The following DMBT1 variants were observed in gnomAD, a reference collection of about 807,000 sequenced individuals.
The protein encoded by DMBT1 is scavenger receptor cysteine-rich domain-containing protein DMBT1.
DMBT1 carries 198 observed loss-of-function variants against 252.9 expected under a neutral mutation model. The observed-to-expected ratio is 0.78, with a 90% CI of 0.70 to 0.88. DMBT1 has a LOEUF of 0.88. Among genes scored for constraint, DMBT1 ranks in the 40% least tolerant of loss-of-function variants. The pLI is 0.00. For synonymous variants in DMBT1, 990 were observed against 942.7 expected (o/e 1.05, Z -0.92); for missense variants, 2,432 against 2,404.7 (o/e 1.01, Z -0.24).
chr10:122,586,303 C>G lies in DMBT1; in HGVS notation c.1703C>G (p.Ser568Cys), dbSNP rs1284583247. Residue 568 changes from serine to cysteine, a missense_variant, in exon 16 of 56, where the codon TCC (serine) becomes TGC (cysteine). Ser to Cys is a moderately radical substitution (Grantham distance 112). Coordinates refer to ENST00000338354, the MANE Select transcript of DMBT1 (RefSeq NM_001377530.1). ...LDDVRCSGNE[S>C]YLWSCPHNGW... is the part of the protein sequence containing the mutation. ...GACGTGCGCTGCTCAGGGAATGAGT[C>G]CTACTTGTGGAGCTGCCCCCACAAT... 15 of 1,588,650 alleles carry G rather than the reference C, an allele frequency of 9.4e-6. 3 individuals carry two copies. In the South Asian group the frequency reaches 1.6e-4, roughly 17 times the overall value.
At chr10:122,600,404 G>T (rs548213342) in intron 27 of DMBT1, among the ~76,000 whole-genome samples, 1 of 151,990 alleles carries the variant, frequency 6.6e-6, no homozygotes, top group Non-Finnish European at 1.5e-5. Context: ...TTTATATTCC[G>T]GACTCACATA....
rs180674265 is a variant in DMBT1, at chr10:122,593,597, A to G, written c.2529A>G (p.Pro843=). 16 of 1,587,342 alleles carry G rather than the reference A, an allele frequency of 1.0e-5. 2 individuals are homozygous for G. In the Admixed American group the frequency reaches 2.5e-4, roughly 25 times the overall value. ...SVSQSRPTPS[P]DTWPTSHAST... is the part of the protein sequence containing the mutation. ...CCCAGTCCCGGCCGACACCCAGTCC[A>G]GGTAGGTCCCCAGTGTCCTTCCTCA... Residue 843 remains proline (P), a splice_region_variant and synonymous_variant, in exon 21 of 56, where the codon CCA becomes CCG. Coordinates refer to ENST00000338354, the MANE Select transcript of DMBT1 (RefSeq NM_001377530.1).
At chr10:122,575,080 G>A (rs1332461495) in intron 6 of DMBT1, among the ~76,000 whole-genome samples, 3 of 152,128 alleles carry the variant, frequency 2.0e-5, no homozygotes, top group African/African-American at 7.2e-5. Flanking sequence ...ATTCAAAAAC[G>A]GAGATTCCAA....
At chr10:122,563,951 A>C (rs890100354) in intron 1 of DMBT1, among the ~76,000 whole-genome samples, 6 of 152,216 alleles carry the variant, frequency 3.9e-5, no homozygotes, top group Non-Finnish European at 8.8e-5. Context: ...AGGCACATCT[A>C]TCAGCTCGTT....
At chr10:122,586,430 T>C (rs1591308178) in intron 16 of DMBT1, 47 bp downstream of exon 16, 1 of 1,581,442 alleles carries the variant, frequency 6.3e-7, no homozygotes, top group South Asian at 1.2e-5. Context: ...TAGATTTTGC[T>C]CAGGAAGGTT....
chr10:122,617,946 A>T (rs953751804), intron 40 of DMBT1, 71 bp from the exon 41 acceptor site: 21 of 1,595,704 alleles, frequency 1.3e-5, no homozygotes, highest in Non-Finnish European at 1.8e-5. Context: ...AAGTACCCTG[A>T]GTGTGGAACT....
chr10:122,561,204 A>G (rs1260052982), intron 1 of DMBT1, among the ~76,000 whole-genome samples: 2 of 152,350 alleles, frequency 1.3e-5, no homozygotes, highest in African/African-American at 4.8e-5. Flanking sequence ...TGTGCTATGA[A>G]AACGGGCAGA....
rs116574134 is a variant in DMBT1 at position 122,622,210 on chromosome 10, G to C, written c.5608+830G>C. Among the ~76,000 whole-genome samples the C allele has an allele frequency of 1.5e-3, 222 of 152,302 alleles. 1 individual carries two copies. Among genetic ancestry groups the C allele is most frequent in the African/African-American group, 4.9e-3 (202 of 41,562 alleles). ...AGGAGCGTCTTTGAATCCAGCCAAA[G>C]CACTAGCATTCAGCAGGTCTGGGTG... On this transcript the variant is annotated intron_variant, in intron 44 of 55. Coordinates refer to ENST00000338354, the MANE Select transcript of DMBT1 (RefSeq NM_001377530.1).
rs564620348 is a variant in DMBT1 at position 122,630,509 on chromosome 10, A to T, written c.6025+19A>T. ...CCAAGCGGTAAGTGCACACTAGACCATGCCTATGAGGCTTGGTGGATTTAC... is the reference window on the plus strand; with the variant it reads ...CCAAGCGGTAAGTGCACACTAGACCTTGCCTATGAGGCTTGGTGGATTTAC... On this transcript the variant is annotated intron_variant, in intron 48 of 55. Coordinates refer to ENST00000338354, the MANE Select transcript of DMBT1 (RefSeq NM_001377530.1). 1.9e-6 allele frequency: 3 copies of T among 1,611,886 alleles called. No homozygotes were observed. The Admixed American group carries it at 5.0e-5, about 27-fold the overall frequency.
rs551045498 is a variant in DMBT1 at position 122,639,908 on chromosome 10, A to G, written c.6943-132A>G. ...CAAAGGATAGGCACGTGCCATGGCCATCTCTGAGTGGTTCTGGGAGGGGTG... is the reference window on the plus strand; with the variant it reads ...CAAAGGATAGGCACGTGCCATGGCCGTCTCTGAGTGGTTCTGGGAGGGGTG... On this transcript the variant is annotated intron_variant, in intron 54 of 55. Coordinates refer to ENST00000338354, the MANE Select transcript of DMBT1 (RefSeq NM_001377530.1). 1.6e-4 allele frequency: 171 copies of G among 1,095,990 alleles called. No individual in the cohort carries two copies. In the African/African-American group the frequency reaches 2.3e-3, roughly 15 times the overall value. 67.9% of individuals were successfully genotyped at this position (1,095,990 alleles called of 1,614,324 possible).
At chr10:122,635,934 C>T (rs186573551) in intron 52 of DMBT1, 57 bp from the exon 53 acceptor site, 4 of 1,585,588 alleles carry the variant, frequency 2.5e-6, no homozygotes, top group Non-Finnish European at 3.5e-6. Flanking sequence ...GAGATCTGAC[C>T]CCCTGCGTCA....
At chr10:122,592,207 G>GGA (rs2097854824) in intron 19 of DMBT1, 65 bp from the exon 20 acceptor site, 1 of 1,565,116 alleles carries the variant, frequency 6.4e-7, no homozygotes, top group Non-Finnish European at 8.7e-7. Flanking sequence ...CCCTGAGTGT[G>GGA]GAACGTGCCT....
intron 46 of DMBT1, among the ~76,000 whole-genome samples, chr10:122,627,105 A>G (rs893708776): frequency 6.6e-6 from 1 of 152,162 alleles, no homozygotes; most frequent in Admixed American, 6.5e-5. Flanking sequence ...AATCTTGAGA[A>G]TTAGCTAATT....
In DMBT1 at chr10:122,621,639, A is replaced by G. The variant is rs150001706; in HGVS notation, c.5608+259A>G. Among the ~76,000 whole-genome samples the G allele has an allele frequency of 1.4e-3, 218 of 152,300 alleles. 1 individual carries two copies. Among genetic ancestry groups the G allele is most frequent in the African/African-American group, 4.9e-3 (205 of 41,550 alleles). On this transcript the variant is annotated intron_variant, in intron 44 of 55. Transcript: ENST00000338354. ...GCAGTGCAAGGAAGAGGCAGAAGAA[A>G]AAATTTCTGGCTCCCCAGGGCTCCA... is the stretch of plus-strand genomic sequence containing the variant.
rs1332957630 is a variant in DMBT1 at position 122,593,628 on chromosome 10, T to C, written c.2530+30T>C. The C allele has an allele frequency of 1.3e-6, 2 of 1,581,488 alleles. 1 individual carries two copies. Among genetic ancestry groups the C allele is most frequent in the Non-Finnish European group, 1.7e-6 (2 of 1,160,688 alleles). ...GTCCCCAGTGTCCTTCCTCAAAATG[T>C]CCCTTCTCTTTCTGCCCAATCACCC... On this transcript the variant is annotated intron_variant, in intron 21 of 55. Transcript: ENST00000338354.
chr10:122,626,047 C>A, intron 46 of DMBT1, 82 bp downstream of exon 46: 4 of 1,165,692 alleles, frequency 3.4e-6, no homozygotes, highest in Non-Finnish European at 3.9e-6. Flanking sequence ...GAATGCTCTG[C>A]CCCACCCCAG....
chr10:122,566,726 T>A (rs3019520), intron 2 of DMBT1, among the ~76,000 whole-genome samples: 101,714 of 151,850 alleles, frequency 0.67, 34,426 homozygotes, highest in East Asian at 0.77. Context: ...TGATATATTT[T>A]TAAAAAATAC....
Position 122,618,148 on chromosome 10 carries a change from G to A in DMBT1, c.5023G>A (p.Val1675Ile). 7 of 1,613,990 alleles carry A rather than the reference G, an allele frequency of 4.3e-6. No homozygotes were observed. Among genetic ancestry groups the A allele is most frequent in the Non-Finnish European group, 5.9e-6 (7 of 1,179,880 alleles). ...DYWDTNDANV[V>I]CRQLGCGWAM... The stretch of plus-strand genomic sequence containing the variant: ...CTGGGACACCAATGATGCCAACGTG[G>A]TCTGCAGGCAGCTGGGCTGTGGCTG... Residue 1675 changes from valine to isoleucine, a missense_variant, in exon 41 of 56, where the codon GTC becomes ATC. Around this residue, in one of 3 missense-constraint regions of DMBT1, gnomAD observed 1,162 missense variants for 1,169.0 expected, o/e 0.99. Coordinates refer to ENST00000338354, the MANE Select transcript of DMBT1 (RefSeq NM_001377530.1).
chr10:122,592,285 T>C lies in DMBT1; in HGVS notation c.2190T>C (p.Ser730=), dbSNP rs1251832718. ...GTTCCCCTGTAGGATCTGAATCCAGTTTGACCCTGAGGCTGGTGAATGGAA... is the reference window on the plus strand; with the variant it reads ...GTTCCCCTGTAGGATCTGAATCCAGCTTGACCCTGAGGCTGGTGAATGGAA... The part of the protein sequence containing the change: ...LPPSTVGSES[S]LTLRLVNGSD... The change falls in exon 20 of 56, where the codon AGT becomes AGC. Residue 730 remains serine (S), a synonymous_variant. Transcript: ENST00000338354. The C allele has an allele frequency of 6.3e-7, 1 of 1,587,102 alleles. No homozygotes were observed. Among genetic ancestry groups the C allele is most frequent in the Admixed American group, 1.7e-5 (1 of 59,506 alleles).
Sources: allele counts gnomAD v4.1 joint callset (sites outside exome capture counted in the v4.1 genomes callset), GRCh38; gene constraint gnomAD v4.1.1; regional missense constraint gnomAD v4.1.1; transcripts MANE v1.5; gene names NCBI Gene and HGNC (gene_info 2026-07-23, HGNC 2026-07-21).